Variants in SLC9A8 observed in about 807,000 individuals in gnomAD.
The protein encoded by SLC9A8 is sodium/hydrogen exchanger 8.
Under a neutral mutation model 66.6 loss-of-function variants are expected in SLC9A8, and 48 were observed. That is an observed-to-expected ratio of 0.72 (90% CI 0.57 to 0.92). The LOEUF is 0.92. Ranked by LOEUF, SLC9A8 falls within the 40% of genes least tolerant of loss-of-function variation. The pLI is 0.00. For missense variants in SLC9A8, 599 were observed against 747.3 expected, an observed-to-expected ratio of 0.80 and a Z score of 2.31; for synonymous variants, 274 against 282.6, an observed-to-expected ratio of 0.97 and a Z score of 0.31.
intron 5 of SLC9A8, among the ~76,000 whole-genome samples, chr20:49,846,778 G>C (rs1176647308): frequency 6.6e-6 from 1 of 152,004 alleles, no homozygotes; most frequent in Non-Finnish European, 1.5e-5. Context: ...GCTGGTCGTG[G>C]TGGTGCGTGC....
chr20:49,858,026 T>C (rs1414126024), intron 8 of SLC9A8, among the ~76,000 whole-genome samples: 1 of 152,242 alleles, frequency 6.6e-6, no homozygotes, highest in Non-Finnish European at 1.5e-5. Context: ...CACACATTGC[T>C]ACTACCTAGA....
At chr20:49,859,133 C>T (rs2088633006) in intron 8 of SLC9A8, among the ~76,000 whole-genome samples, 1 of 152,184 alleles carries the variant, frequency 6.6e-6, no homozygotes, top group Admixed American at 6.5e-5. Context: ...GCCTCTTCCT[C>T]TACCAGCAGC....
At chr20:49,857,566 A>G (rs2088548398) in intron 8 of SLC9A8, among the ~76,000 whole-genome samples, 1 of 152,180 alleles carries the variant, frequency 6.6e-6, no homozygotes, top group Non-Finnish European at 1.5e-5. Context: ...AAAAATACAA[A>G]GATTAGCCAG....
At chr20:49,834,592 A>G (rs6095681) in intron 3 of SLC9A8, among the ~76,000 whole-genome samples, 1 of 150,528 alleles carries the variant, frequency 6.6e-6, no homozygotes, top group Non-Finnish European at 1.5e-5. Context: ...TGACCTAACT[A>G]TGAGCCTCAA....
chr20:49,833,247 C>T (rs1209691713), intron 3 of SLC9A8, among the ~76,000 whole-genome samples: 4 of 152,130 alleles, frequency 2.6e-5, no homozygotes, highest in Admixed American at 2.6e-4. Flanking sequence ...TGTGAAAAAG[C>T]TTGTAAGACA....
intron 3 of SLC9A8, chr20:49,830,371 C>A: frequency 1.2e-6 from 1 of 858,478 alleles, no homozygotes. Flanking sequence ...CTGGGAAGAA[C>A]CCCTGCTGAA....
intron 2 of SLC9A8, among the ~76,000 whole-genome samples, chr20:49,817,907 ATTTCT>A (rs2086612478): frequency 6.6e-6 from 1 of 152,126 alleles, no homozygotes; most frequent in Non-Finnish European, 1.5e-5. Flanking sequence ...GAAGAAAAGC[ATTTCT>A]TTTCTTGATT....
intron 3 of SLC9A8, chr20:49,829,544 G>C (rs1212548237): frequency 3.4e-6 from 1 of 292,242 alleles, no homozygotes; most frequent in East Asian, 1.0e-4. Context: ...AGAACCTCAT[G>C]GAAAGAAATG....
chr20:49,864,019 A>G (rs1041706381), intron 9 of SLC9A8: 1 of 152,294 alleles, frequency 6.6e-6, no homozygotes, highest in Middle Eastern at 3.4e-3. Context: ...AATAAACAGA[A>G]TGGAAAAGAA....
At chr20:49,817,454 G>GTTTTTTTTTT (rs76109874) in intron 2 of SLC9A8, among the ~76,000 whole-genome samples, 3 of 132,202 alleles carry the variant, frequency 2.3e-5, no homozygotes, top group Non-Finnish European at 3.3e-5. Flanking sequence ...AGGTGCAACT[G>GTTTTTTTTTT]TTTTTTTTTT....
chr20:49,837,199 A>C (rs55999915), intron 3 of SLC9A8, among the ~76,000 whole-genome samples: 5,739 of 152,260 alleles, frequency 0.038, 156 homozygotes, highest in East Asian at 0.096. Flanking sequence ...TAGTTGTCCC[A>C]CCTTTCCAGA....
At chr20:49,848,897 C>A (rs887158560) in intron 5 of SLC9A8, among the ~76,000 whole-genome samples, 1 of 152,090 alleles carries the variant, frequency 6.6e-6, no homozygotes, top group Non-Finnish European at 1.5e-5. Context: ...TGTCAGGGAC[C>A]GTGTTGTGCG....
At chr20:49,847,805 A>C (rs1335278674) in intron 5 of SLC9A8, among the ~76,000 whole-genome samples, 1 of 152,020 alleles carries the variant, frequency 6.6e-6, no homozygotes, top group Non-Finnish European at 1.5e-5. Context: ...TATTATGGTA[A>C]CTTTAACTTG....
chr20:49,883,744 T>G, intron 13 of SLC9A8, 102 bp from the exon 14 acceptor site: 1 of 873,148 alleles, frequency 1.1e-6, no homozygotes, highest in Non-Finnish European at 1.8e-6. Context: ...ATTAGAATAG[T>G]CAGCTGGTCG....
At chr20:49,818,160 A>G (rs1359590179) in intron 2 of SLC9A8, among the ~76,000 whole-genome samples, 2 of 152,182 alleles carry the variant, frequency 1.3e-5, no homozygotes, top group African/African-American at 4.8e-5. Context: ...AGGTTTCTAT[A>G]ATGTACTTTT....
At chr20:49,870,500 G>T (rs2089171417) in intron 10 of SLC9A8, among the ~76,000 whole-genome samples, 4 of 152,140 alleles carry the variant, frequency 2.6e-5, no homozygotes. Flanking sequence ...AGATGTGCGG[G>T]AGTGTGGCAT....
chr20:49,836,564 C>G (rs959701520), intron 3 of SLC9A8, among the ~76,000 whole-genome samples: 1 of 152,018 alleles, frequency 6.6e-6, no homozygotes, highest in Non-Finnish European at 1.5e-5. Context: ...TGACCTCAAG[C>G]AGTCCACCCA....
At chr20:49,866,370 G>A (rs868186081) in intron 10 of SLC9A8, among the ~76,000 whole-genome samples, 2 of 152,260 alleles carry the variant, frequency 1.3e-5, no homozygotes, top group Middle Eastern at 3.4e-3. Flanking sequence ...CATTTATCTT[G>A]GGTAAATACC....
chr20:49,860,273 T>C (rs1350899498), intron 8 of SLC9A8, among the ~76,000 whole-genome samples: 1 of 152,246 alleles, frequency 6.6e-6, no homozygotes, highest in Non-Finnish European at 1.5e-5. Flanking sequence ...CAGATGAGTC[T>C]GCAAAGCTTT....
Sources: gnomAD v4.1 joint callset for allele counts (sites outside exome capture counted in the v4.1 genomes callset) on GRCh38, gnomAD v4.1.1 for gene constraint, MANE v1.5 for transcripts, NCBI Gene and HGNC (gene_info 2026-07-23, HGNC 2026-07-21) for gene names.